Variants in FBXL13 observed in about 807,000 individuals in gnomAD.
FBXL13 encodes the protein F-box and leucine-rich repeat protein 13.
In FBXL13, 67 loss-of-function variants were observed where a neutral mutation model predicts 83.6. The observed-to-expected ratio is 0.80, with a 90% confidence interval of 0.66 to 0.98. The LOEUF is 0.98. FBXL13 is among the 50% of genes least tolerant of loss of function. The pLI, the probability that FBXL13 is intolerant of heterozygous loss-of-function variation, is 0.00. For missense variants in FBXL13, 822 were observed against 866.5 expected, an observed-to-expected ratio of 0.95 and a Z score of 0.64; for synonymous variants, 272 against 299.5, an observed-to-expected ratio of 0.91 and a Z score of 0.95.
chr7:102,899,298 G>C (rs1812675027), intron 11 of FBXL13, among the ~76,000 whole-genome samples: 1 of 152,240 alleles, frequency 6.6e-6, no homozygotes, highest in Admixed American at 6.5e-5. Context: ...CAATTGCAAT[G>C]ATGGAGACCC....
At chr7:102,971,605 A>C (rs561448758) in intron 6 of FBXL13, among the ~76,000 whole-genome samples, 28 of 151,644 alleles carry the variant, frequency 1.8e-4, no homozygotes, top group Non-Finnish European at 3.5e-4. Context: ...AAAAAAAAAA[A>C]AAAAAAGACA....
intron 14 of FBXL13, among the ~76,000 whole-genome samples, chr7:102,879,379 C>T (rs1335127045): frequency 6.6e-6 from 1 of 151,826 alleles, no homozygotes; most frequent in Non-Finnish European, 1.5e-5. Flanking sequence ...TGCCTGTGTG[C>T]CCATCAACCT....
intron 3 of FBXL13, 86 bp from the exon 5 acceptor site, chr7:103,028,834 A>T (rs544421249): frequency 1.7e-6 from 2 of 1,162,324 alleles, no homozygotes; most frequent in East Asian, 5.9e-5. Context: ...ACAAAGAATG[A>T]TATCTCCTTT....
intron 17 of FBXL13, among the ~76,000 whole-genome samples, chr7:102,849,331 A>C (rs1217124238): frequency 6.6e-6 from 1 of 152,238 alleles, no homozygotes; most frequent in Non-Finnish European, 1.5e-5. Context: ...AGATCCTAAA[A>C]GTCAATACAT....
chr7:102,999,361 G>A (rs1585298250), intron 6 of FBXL13, among the ~76,000 whole-genome samples: 1 of 152,040 alleles, frequency 6.6e-6, no homozygotes, highest in African/African-American at 2.4e-5. Context: ...TATTAATCAG[G>A]GATATTAGCC....
intron 7 of FBXL13, among the ~76,000 whole-genome samples, chr7:102,965,529 T>C (rs1825882517): frequency 6.6e-6 from 1 of 152,184 alleles, no homozygotes; most frequent in African/African-American, 2.4e-5. Flanking sequence ...GGAATAGGAC[T>C]AAAATACACA....
chr7:102,917,842 G>T (rs1220562858), intron 10 of FBXL13, among the ~76,000 whole-genome samples: 1 of 152,190 alleles, frequency 6.6e-6, no homozygotes, highest in African/African-American at 2.4e-5. Context: ...CACCTAGGTT[G>T]TGACAATAGG....
chr7:102,822,323 A>G (rs999189317), intron 18 of FBXL13, 120 bp from the exon 20 acceptor site: 9 of 931,150 alleles, frequency 9.7e-6, no homozygotes, highest in Non-Finnish European at 1.5e-5. Flanking sequence ...AACATCAAAC[A>G]TTTATTTCTC....
intron 6 of FBXL13, chr7:102,988,900 C>T (rs986726077): frequency 4.6e-5 from 7 of 152,152 alleles, no homozygotes; most frequent in African/African-American, 1.7e-4. Context: ...AGAGAAACCC[C>T]AGACACAATA....
At chr7:102,848,495 G>T (rs1804545031) in intron 17 of FBXL13, among the ~76,000 whole-genome samples, 1 of 46,568 alleles carries the variant, frequency 2.1e-5, no homozygotes, top group African/African-American at 2.1e-4. Flanking sequence ...GGCGGAGCTT[G>T]CAGTGAGCCG....
At chr7:102,882,834 C>T (rs1351039168) in intron 14 of FBXL13, among the ~76,000 whole-genome samples, 2 of 152,030 alleles carry the variant, frequency 1.3e-5, no homozygotes, top group Non-Finnish European at 2.9e-5. Flanking sequence ...GGAGAGTAGT[C>T]CAATAGTGGC....
intron 16 of FBXL13, among the ~76,000 whole-genome samples, chr7:102,867,693 ATATTTTTTTT>A (rs1232015648): frequency 3.0e-4 from 20 of 66,484 alleles, no homozygotes; most frequent in East Asian, 1.8e-3. Flanking sequence ...ATATATATAT[ATATTTTTTTT>A]TTTTTTTTTT....
chr7:102,823,844 C>T (rs1263762871), intron 18 of FBXL13, among the ~76,000 whole-genome samples: 8 of 152,084 alleles, frequency 5.3e-5, no homozygotes, highest in Non-Finnish European at 1.0e-4. Context: ...GCTTTGTTTC[C>T]GGAACACGCT....
rs571578134 is a variant in FBXL13 at position 102,938,709 on chromosome 7, C to G, written c.725-6776G>C. ...ATATACTCTTTATCAAAAGCAAACA[C>G]TTTGCATCAATATTTGCAATATTTG... On this transcript the variant is annotated intron_variant, in intron 8 of 19. Coordinates refer to ENST00000313221, the Ensembl canonical transcript of FBXL13. Among the ~76,000 whole-genome samples the G allele has an allele frequency of 1.9e-4, 29 of 152,300 alleles. No homozygotes were observed. In the South Asian group the frequency reaches 6.0e-3, roughly 32 times the overall value.
chr7:103,019,837 T>C (rs117313790), intron 6 of FBXL13, among the ~76,000 whole-genome samples: 9,279 of 152,146 alleles, frequency 0.061, 499 homozygotes, highest in East Asian at 0.28. Flanking sequence ...ATTAAAAGCC[T>C]ACCAACCAAA....
At chr7:103,054,802 G>A (rs1389540740) in intron 2 of FBXL13, among the ~76,000 whole-genome samples, 2 of 152,156 alleles carry the variant, frequency 1.3e-5, no homozygotes, top group Non-Finnish European at 1.5e-5. Flanking sequence ...AAAGATGCAC[G>A]AGAGGAGAAG....
intron 6 of FBXL13, among the ~76,000 whole-genome samples, chr7:102,991,206 CAA>C (rs1477898669): frequency 2.0e-5 from 3 of 152,090 alleles, no homozygotes; most frequent in African/African-American, 7.2e-5. Context: ...AGAGAGAAGT[CAA>C]AGATATTTCC....
At chr7:102,909,038 G>A (rs1396463074) in intron 11 of FBXL13, among the ~76,000 whole-genome samples, 1 of 152,190 alleles carries the variant, frequency 6.6e-6, no homozygotes, top group Non-Finnish European at 1.5e-5. Context: ...TGGGAATCAG[G>A]GATTAGAGTC....
intron 6 of FBXL13, among the ~76,000 whole-genome samples, chr7:103,013,165 G>GATA (rs1791840392): frequency 6.6e-6 from 1 of 152,212 alleles, no homozygotes; most frequent in Non-Finnish European, 1.5e-5. Flanking sequence ...AAGAGACTTA[G>GATA]ATAACTACAC....
Sources: allele counts gnomAD v4.1 joint callset (sites outside exome capture counted in the v4.1 genomes callset), GRCh38; gene constraint gnomAD v4.1.1; transcripts MANE v1.5; gene names NCBI Gene and HGNC (gene_info 2026-07-23, HGNC 2026-07-21).